Variants in GPC6 observed in about 807,000 individuals in gnomAD.
GPC6 encodes glypican-6.
GPC6 carries 14 observed loss-of-function variants against 55.2 expected under a neutral mutation model. The ratio of observed to expected loss-of-function variants is 0.25; its 90% CI spans 0.17 to 0.40. GPC6 has a LOEUF of 0.40. GPC6 is among the 10% of genes least tolerant of loss of function. The probability of loss-of-function intolerance (pLI) is 1.00; values close to 1 mark genes in which losing one functional copy is unlikely to be tolerated. For missense variants in GPC6, 641 were observed against 708.5 expected (o/e 0.90, Z 1.08); for synonymous variants, 278 against 259.6 (o/e 1.07, Z -0.68).
intron 7 of GPC6, among the ~76,000 whole-genome samples, chr13:94,382,858 A>T (rs1387512441): frequency 6.6e-6 from 1 of 152,334 alleles, no homozygotes; most frequent in East Asian, 1.9e-4. Context: ...ATGTTCACTT[A>T]ATGGCTTTAA....
intron 7 of GPC6, among the ~76,000 whole-genome samples, chr13:94,397,850 C>A (rs1200398278): frequency 6.6e-6 from 1 of 152,176 alleles, no homozygotes; most frequent in African/African-American, 2.4e-5. Flanking sequence ...CCCATCTTGA[C>A]TTGTAGTTCC....
chr13:94,131,672 G>C (rs1461910936), intron 4 of GPC6, among the ~76,000 whole-genome samples: 1 of 151,762 alleles, frequency 6.6e-6, no homozygotes, highest in African/African-American at 2.4e-5. Flanking sequence ...AAGAGGCCGT[G>C]AGTCTGATGT....
chr13:93,646,939 T>G lies in GPC6; in HGVS notation c.319+101518T>G, dbSNP rs533403629. On this transcript the variant is annotated intron_variant, in intron 2 of 8. Transcript: ENST00000377047. The stretch of plus-strand genomic sequence containing the variant: ...ACCTTCCTTGACTTTGTAATGGCAT[T>G]TATGCTGAAACACAGAACTAATGCC... Among the ~76,000 whole-genome samples the G allele has an allele frequency of 8.8e-4, 134 of 152,132 alleles. No individual in the cohort carries two copies. In the Middle Eastern group the frequency reaches 0.014, roughly 15 times the overall value.
At chr13:93,684,802 C>A (rs1881988754) in intron 2 of GPC6, among the ~76,000 whole-genome samples, 1 of 152,054 alleles carries the variant, frequency 6.6e-6, no homozygotes, top group South Asian at 2.1e-4. Flanking sequence ...ATTTAAAACT[C>A]TTAACCACAT....
chr13:94,262,070 G>A (rs1891672630), intron 4 of GPC6, among the ~76,000 whole-genome samples: 1 of 152,198 alleles, frequency 6.6e-6, no homozygotes, highest in South Asian at 2.1e-4. Context: ...AGGCAAAGAA[G>A]TCTTGGGAGG....
Position 93,305,424 on chromosome 13 carries a change from G to T in GPC6, c.160+77808G>T, listed in dbSNP as rs116030071. On this transcript the variant is annotated intron_variant, in intron 1 of 8. Transcript: ENST00000377047. ...AAGCAGTAAATAGGAGAACAGGATTGGTGATTATTGTGAGGCAGGTGCTAT... is the reference window on the plus strand; with the variant it reads ...AAGCAGTAAATAGGAGAACAGGATTTGTGATTATTGTGAGGCAGGTGCTAT... Among the ~76,000 whole-genome samples, 575 of 152,188 alleles carry T rather than the reference G, an allele frequency of 3.8e-3. 4 individuals carry two copies. Among genetic ancestry groups the T allele is most frequent in the African/African-American group, 0.013 (548 of 41,526 alleles).
intron 2 of GPC6, among the ~76,000 whole-genome samples, chr13:93,736,727 C>T (rs1034441691): frequency 1.1e-4 from 16 of 152,084 alleles, no homozygotes; most frequent in African/African-American, 3.9e-4. Flanking sequence ...GTATCATTTG[C>T]ACGGAGATAG....
chr13:93,686,799 C>T (rs111756855), intron 2 of GPC6, among the ~76,000 whole-genome samples: 14 of 152,108 alleles, frequency 9.2e-5, no homozygotes, highest in African/African-American at 3.1e-4. Context: ...TAAAAATAAA[C>T]AGTTTATAGT....
chr13:93,378,718 G>A (rs1042851255), intron 1 of GPC6, among the ~76,000 whole-genome samples: 1 of 152,028 alleles, frequency 6.6e-6, no homozygotes, highest in Non-Finnish European at 1.5e-5. Context: ...TAAAGAAGCC[G>A]GGCGCGGTGG....
chr13:93,996,080 C>T lies in GPC6; in HGVS notation c.712-31649C>T, dbSNP rs542093763. The stretch of plus-strand genomic sequence containing the variant: ...ATTGAAATTATCACTTGTTATTTTT[C>T]TGCAGTTATTTCCTGGAACCATTTT... On this transcript the variant is annotated intron_variant, in intron 3 of 8. Coordinates refer to ENST00000377047, the MANE Select transcript of GPC6 (RefSeq NM_005708.5). Among the ~76,000 whole-genome samples the T allele has an allele frequency of 2.0e-5, 3 of 152,242 alleles. No homozygotes were observed. The South Asian group carries it at 6.2e-4, about 32-fold the overall frequency.
intron 1 of GPC6, among the ~76,000 whole-genome samples, chr13:93,331,990 C>G (rs1310708617): frequency 1.3e-5 from 2 of 152,094 alleles, no homozygotes; most frequent in Non-Finnish European, 1.5e-5. Context: ...GCTTATTTCA[C>G]TTAACATGAT....
intron 1 of GPC6, among the ~76,000 whole-genome samples, chr13:93,305,113 C>T (rs148985567): frequency 9.7e-4 from 148 of 152,250 alleles, no homozygotes; most frequent in African/African-American, 3.4e-3. Context: ...GCTCTTAACA[C>T]GGCCTGCCCA....
chr13:93,908,450 A>G (rs1400033929), intron 3 of GPC6, among the ~76,000 whole-genome samples: 1 of 152,192 alleles, frequency 6.6e-6, no homozygotes, highest in East Asian at 1.9e-4. Flanking sequence ...GATTTGGTAA[A>G]TAAATCTCCT....
At chr13:93,343,306 T>A (rs957181530) in intron 1 of GPC6, among the ~76,000 whole-genome samples, 1 of 152,202 alleles carries the variant, frequency 6.6e-6, no homozygotes, top group Non-Finnish European at 1.5e-5. Context: ...TTGGATTGGC[T>A]GAGTCCCATA....
At chr13:93,928,860 C>CACACACACAA (rs1399132061) in intron 3 of GPC6, among the ~76,000 whole-genome samples, 3 of 133,758 alleles carry the variant, frequency 2.2e-5, no homozygotes, top group African/African-American at 8.5e-5. Context: ...GTGTGTTACA[C>CACACACACAA]ACACACACAC....
chr13:93,584,160 T>C (rs1304312373), intron 2 of GPC6, among the ~76,000 whole-genome samples: 2 of 152,160 alleles, frequency 1.3e-5, no homozygotes, highest in African/African-American at 4.8e-5. Context: ...AAGTACTTAT[T>C]CCCATGGATC....
intron 2 of GPC6, among the ~76,000 whole-genome samples, chr13:93,679,163 C>T (rs1881756432): frequency 6.6e-6 from 1 of 151,972 alleles, no homozygotes; most frequent in Non-Finnish European, 1.5e-5. Context: ...AGATAGATAA[C>T]AATAGGAATA....
rs1342002244 is a variant in GPC6 at position 93,227,625 on chromosome 13, G to C, written c.160+9G>C. On this transcript the variant is annotated intron_variant, in intron 1 of 8. Coordinates refer to ENST00000377047, the MANE Select transcript of GPC6 (RefSeq NM_005708.5). The surrounding 1 kb of genome is among the most constrained non-coding windows in gnomAD (Gnocchi z 4.3). The stretch of plus-strand genomic sequence containing the variant: ...CTACCAGGAGATCGCAGGTAAGCGC[G>C]GGCGCGCTGCAGGGGCAGGCTGCAG... 1.3e-6 allele frequency: 2 copies of C among 1,594,654 alleles called. No individual in the cohort carries two copies. The highest frequency in any genetic ancestry group is 1.7e-5 in the Admixed American group (1 of 58,630).
rs181467919 is a variant in GPC6 at position 93,395,992 on chromosome 13, T to A, written c.161-149271T>A. 10 of 152,322 alleles carry A rather than the reference T, an allele frequency of 6.6e-5. No individual in the cohort carries two copies. The East Asian group carries it at 1.9e-3, about 29-fold the overall frequency. 9.4% of individuals were successfully genotyped at this position (152,322 alleles called of 1,614,324 possible). ...ATGGAAAATAAATGCCTTAGGGAAC[T>A]TGTCCTATATAGTTTGGGAAAAGTA... On this transcript the variant is annotated intron_variant, in intron 1 of 8. Coordinates refer to ENST00000377047, the MANE Select transcript of GPC6 (RefSeq NM_005708.5).
Sources: gnomAD v4.1 joint callset for allele counts (sites outside exome capture counted in the v4.1 genomes callset) on GRCh38, gnomAD v4.1.1 for gene constraint, Gnocchi (gnomAD v3.1) non-coding constraint, MANE v1.5 for transcripts, NCBI Gene and HGNC (gene_info 2026-07-23, HGNC 2026-07-21) for gene names.